MYRIP: variants seen among roughly 807,000 people sequenced by gnomAD.
MYRIP encodes the protein rab effector MyRIP.
In MYRIP, 49 loss-of-function variants were observed where a neutral mutation model predicts 98.0. The observed-to-expected ratio is 0.50, with a 90% CI of 0.40 to 0.63. The LOEUF is 0.63. Ranked by LOEUF, MYRIP falls within the 30% of genes least tolerant of loss-of-function variation. The pLI, the probability that MYRIP is intolerant of heterozygous loss-of-function variation, is 0.00. For synonymous variants in MYRIP, 404 were observed against 409.5 expected (o/e 0.99, Z 0.16); for missense variants, 1,004 against 1,058.2 (o/e 0.95, Z 0.71).
intron 2 of MYRIP, among the ~76,000 whole-genome samples, chr3:39,949,800 G>A (rs573741348): frequency 6.6e-6 from 1 of 152,256 alleles, no homozygotes; most frequent in African/African-American, 2.4e-5. Context: ...GCAACTTGAA[G>A]TCAGTACAAA....
At chr3:40,210,557 G>A (rs1951898481) in intron 11 of MYRIP, among the ~76,000 whole-genome samples, 1 of 152,054 alleles carries the variant, frequency 6.6e-6, no homozygotes, top group African/African-American at 2.4e-5. Context: ...GTGGCCTTCT[G>A]GATTGTTTCT....
chr3:40,248,381 A>T (rs1953269096), intron 13 of MYRIP: 1 of 152,228 alleles, frequency 6.6e-6, no homozygotes, highest in African/African-American at 2.4e-5. Context: ...GATCTTGTGG[A>T]CATGGAGCTC....
At chr3:39,956,125 A>G (rs1294215682) in intron 2 of MYRIP, among the ~76,000 whole-genome samples, 2 of 152,232 alleles carry the variant, frequency 1.3e-5, no homozygotes, top group East Asian at 3.8e-4. Flanking sequence ...TCAACGAGAC[A>G]GAAACTTAAC....
intron 2 of MYRIP, among the ~76,000 whole-genome samples, chr3:40,003,107 AT>A (rs1575456188): frequency 6.6e-6 from 1 of 151,670 alleles, no homozygotes; most frequent in Admixed American, 6.6e-5. Flanking sequence ...CTATATATGT[AT>A]TTATGTCTAT....
intron 3 of MYRIP, among the ~76,000 whole-genome samples, chr3:40,083,583 A>G (rs1303007713): frequency 1.3e-5 from 2 of 152,240 alleles, no homozygotes; most frequent in African/African-American, 2.4e-5. Flanking sequence ...GGTACACAAC[A>G]TAGAAAAGCA....
chr3:39,832,065 A>G lies in MYRIP; in HGVS notation c.-31+22149A>G, dbSNP rs533324238. 8.5e-5 allele frequency among the ~76,000 whole-genome samples: 13 copies of G among 152,358 alleles called. No homozygotes were observed. The East Asian group carries it at 2.3e-3, about 27-fold the overall frequency. On this transcript the variant is annotated intron_variant, in intron 1 of 16. Transcript: ENST00000302541. ...AATGTAGAAAATAAGCACATCTGCGAGGAATCTCTTTCTGCTGCTTCTGCA... is the reference window on the plus strand; with the variant it reads ...AATGTAGAAAATAAGCACATCTGCGGGGAATCTCTTTCTGCTGCTTCTGCA...
rs566341244 is a variant in MYRIP, at chr3:40,197,362, C to A, written c.1665+6899C>A. 2.0e-4 allele frequency among the ~76,000 whole-genome samples: 30 copies of A among 152,258 alleles called. 1 individual carries two copies. In the East Asian group the frequency reaches 5.4e-3, roughly 27 times the overall value. On this transcript the variant is annotated intron_variant, in intron 10 of 16. Coordinates refer to ENST00000302541, the MANE Select transcript of MYRIP (RefSeq NM_015460.4). ...GTTCCTAACAGACCAATGACCAGTA[C>A]CAGTCCATGGCCCCTGAGTTGGGGA...
chr3:40,258,185 C>A lies in MYRIP; in HGVS notation c.*19C>A, dbSNP rs777338939. On this transcript the variant is annotated 3_prime_UTR_variant, in exon 17 of 17. Coordinates refer to ENST00000302541, the MANE Select transcript of MYRIP (RefSeq NM_015460.4). Reference sequence around the variant, plus strand: ...GTACTGACACCATGGAATTCCACTGCCAGTGACCCACTGCCTCCGGCCGTA... The same window carrying A: ...GTACTGACACCATGGAATTCCACTGACAGTGACCCACTGCCTCCGGCCGTA... The A allele has an allele frequency of 2.9e-5, 47 of 1,614,006 alleles. No individual in the cohort carries two copies. In the South Asian group the frequency reaches 4.7e-4, roughly 16 times the overall value.
chr3:40,056,013 A>T (rs573098364), intron 3 of MYRIP, among the ~76,000 whole-genome samples: 1 of 152,222 alleles, frequency 6.6e-6, no homozygotes, highest in Non-Finnish European at 1.5e-5. Context: ...ATTAGTGTAC[A>T]GAGGGGTTTT....
At chr3:39,959,367 T>G (rs1298927965) in intron 2 of MYRIP, among the ~76,000 whole-genome samples, 1 of 152,162 alleles carries the variant, frequency 6.6e-6, no homozygotes, top group Non-Finnish European at 1.5e-5. Context: ...GTTCATGTCC[T>G]TTGTAGGGAC....
At chr3:40,120,197 A>G (rs17185302) in intron 3 of MYRIP, among the ~76,000 whole-genome samples, 28,496 of 152,112 alleles carry the variant, frequency 0.19, 3,195 homozygotes, top group South Asian at 0.28. Context: ...TTAGCCTAAT[A>G]TAGCAAAATC....
chr3:40,176,528 T>C (rs1248748431), intron 8 of MYRIP, among the ~76,000 whole-genome samples: 2 of 152,068 alleles, frequency 1.3e-5, no homozygotes, highest in East Asian at 3.9e-4. Flanking sequence ...GGTGGGAGGA[T>C]CATTTGAGGC....
intron 2 of MYRIP, among the ~76,000 whole-genome samples, chr3:39,923,739 A>T (rs1229081119): frequency 6.6e-6 from 1 of 152,162 alleles, no homozygotes; most frequent in Non-Finnish European, 1.5e-5. Flanking sequence ...GGCTTTCTTT[A>T]TCCTTTTCTA....
intron 2 of MYRIP, among the ~76,000 whole-genome samples, chr3:40,003,104 T>G (rs1391487043): frequency 6.6e-6 from 1 of 151,722 alleles, no homozygotes; most frequent in African/African-American, 2.4e-5. Flanking sequence ...TATCTATATA[T>G]GTATTTATGT....
At chr3:39,837,184 T>G (rs1941653302) in intron 1 of MYRIP, among the ~76,000 whole-genome samples, 1 of 152,238 alleles carries the variant, frequency 6.6e-6, no homozygotes, top group Non-Finnish European at 1.5e-5. Context: ...ACTCTGATGA[T>G]AGTTTCTTTT....
chr3:40,207,176 C>G (rs148990724), intron 10 of MYRIP, among the ~76,000 whole-genome samples: 1 of 152,322 alleles, frequency 6.6e-6, no homozygotes, highest in Non-Finnish European at 1.5e-5. Flanking sequence ...TCCATACCAC[C>G]TGGCTCCCCA....
At chr3:40,099,453 G>C (rs1488861389) in intron 3 of MYRIP, among the ~76,000 whole-genome samples, 6 of 152,106 alleles carry the variant, frequency 3.9e-5, no homozygotes, top group African/African-American at 1.2e-4. Flanking sequence ...TACAAATAAA[G>C]ATACTGAGGT....
intron 2 of MYRIP, among the ~76,000 whole-genome samples, chr3:39,946,540 G>C (rs1372900222): frequency 1.3e-5 from 2 of 152,168 alleles, no homozygotes; most frequent in Non-Finnish European, 2.9e-5. Context: ...TTAACTGGGG[G>C]TTCTCCAGTG....
intron 13 of MYRIP, among the ~76,000 whole-genome samples, chr3:40,249,335 T>TC (rs1490478336): frequency 2.0e-5 from 3 of 152,152 alleles, no homozygotes; most frequent in African/African-American, 7.2e-5. Context: ...TGTTGGCACA[T>TC]CCTCTCAGAC....
Sources: gnomAD v4.1 joint callset for allele counts (sites outside exome capture counted in the v4.1 genomes callset) on GRCh38, gnomAD v4.1.1 for gene constraint, MANE v1.5 for transcripts, NCBI Gene and HGNC (gene_info 2026-07-23, HGNC 2026-07-21) for gene names.